The following DCAF1 variants were observed in gnomAD, a reference collection of about 807,000 sequenced individuals.
DCAF1 encodes the protein DDB1- and CUL4-associated factor 1.
DCAF1 carries 15 observed loss-of-function variants against 128.0 expected under a neutral mutation model. That is an observed-to-expected ratio of 0.12 (90% CI 0.08 to 0.18). The LOEUF is 0.18. DCAF1 is among the 10% of genes least tolerant of loss of function. The pLI, the probability that DCAF1 is intolerant of heterozygous loss-of-function variation, is 1.00. For synonymous variants in DCAF1, 610 were observed against 603.0 expected (o/e 1.01, Z -0.17); for missense variants, 988 against 1,649.5 (o/e 0.60, Z 6.95).
intron 23 of DCAF1, 30 bp downstream of exon 23, chr3:51,412,349 C>T (rs1223504926): frequency 6.2e-7 from 1 of 1,613,166 alleles, no homozygotes. Context: ...AAGCACTGTT[C>T]AGCAGAAAGA....
intron 14 of DCAF1, 60 bp from the exon 15 acceptor site, chr3:51,421,057 T>TC: frequency 6.6e-7 from 1 of 1,524,630 alleles, no homozygotes; most frequent in Admixed American, 2.1e-5. Context: ...CTTCAATAGT[T>TC]GTTCCAGAGT....
intron 23 of DCAF1, among the ~76,000 whole-genome samples, chr3:51,410,623 ATAT>A (rs1231013951): frequency 2.6e-5 from 4 of 152,262 alleles, no homozygotes; most frequent in African/African-American, 9.6e-5. Context: ...CCATTTTCAA[ATAT>A]TACCATTTTC....
At chr3:51,498,414 CCAGCCTAGGCTA>C (rs1448623939) in intron 1 of DCAF1, among the ~76,000 whole-genome samples, 1 of 151,226 alleles carries the variant, frequency 6.6e-6, no homozygotes, top group African/African-American at 2.4e-5. Flanking sequence ...CCACTGCACT[CCAGCCTAGGCTA>C]CAGGGCAAGA....
chr3:51,420,921 C>A lies in DCAF1; in HGVS notation c.2049G>T (p.Gln683His), dbSNP rs1699331638. ...HDAEIQKSAL[Q>H]IIINCVCGPD... ...GGCCACACACACAATTGATGATAAT[C>A]TGAAGTGCTGACTTCTGAATTTCAG... The change falls in exon 15 of 25, where the codon CAG becomes CAT. Residue 683 changes from glutamine (Q) to histidine (H), a missense_variant. Physicochemically the swap from Gln to His is conservative, Grantham distance 24 (BLOSUM62 0). Transcript: ENST00000684031. This position sits in a 1 kb window ranked among gnomAD's most constrained non-coding sequence, Gnocchi z 6.5. 1.2e-6 allele frequency: 2 copies of A among 1,613,870 alleles called. No individual in the cohort carries two copies. Among genetic ancestry groups the A allele is most frequent in the South Asian group, 2.2e-5 (2 of 91,090 alleles).
intron 2 of DCAF1, among the ~76,000 whole-genome samples, chr3:51,492,899 CAGG>C (rs1707818750): frequency 6.6e-6 from 1 of 151,932 alleles, no homozygotes; most frequent in Admixed American, 6.6e-5. Context: ...GAGACTGAGG[CAGG>C]AGAATGGCGT....
chr3:51,458,920 T>C (rs1703228625), intron 6 of DCAF1, among the ~76,000 whole-genome samples: 1 of 152,158 alleles, frequency 6.6e-6, no homozygotes, highest in African/African-American at 2.4e-5. Context: ...AAGCAGTGTG[T>C]AGAGGGAAAT....
At chr3:51,475,903 T>C (rs960126104) in intron 3 of DCAF1, among the ~76,000 whole-genome samples, 6 of 151,360 alleles carry the variant, frequency 4.0e-5, no homozygotes, top group Non-Finnish European at 8.8e-5. Context: ...ATTTTCAGGG[T>C]TCAAATCTGA....
Position 51,420,797 on chromosome 3 carries a change from T to A in DCAF1, c.2173A>T (p.Met725Leu), listed in dbSNP as rs1346666358. Residue 725 changes from methionine to leucine, a missense_variant, in exon 15 of 25, where the codon ATG becomes TTG. By Grantham distance (15) the Met-to-Leu change is conservative. This residue lies in a region of DCAF1 where 185 missense variants were observed against 248.1 expected (regional missense o/e 0.75). Transcript: ENST00000684031. The surrounding 1 kb of genome is among the most constrained non-coding windows in gnomAD (Gnocchi z 6.5). Reference protein sequence around the residue: ...PKSSEHTLAKMWNVVQSNNGI... With the variant: ...PKSSEHTLAKLWNVVQSNNGI... ...TTGTTGGACTGAACCACATTCCACA[T>A]CTTGGCCAGGGTGTGCTCACTGCTT... 10 of 1,613,900 alleles carry A rather than the reference T, an allele frequency of 6.2e-6. No individual in the cohort carries two copies. Among genetic ancestry groups the A allele is most frequent in the African/African-American group, 4.0e-5 (3 of 74,932 alleles).
chr3:51,398,960 C>T (rs1338085371), intron 24 of DCAF1, 133 bp from the exon 25 acceptor site: 2 of 1,102,978 alleles, frequency 1.8e-6, no homozygotes, highest in African/African-American at 3.1e-5. Context: ...GAAGAAAACA[C>T]ATCAATTAAC....
At chr3:51,481,312 C>G (rs1553652759) in intron 3 of DCAF1, among the ~76,000 whole-genome samples, 1 of 152,068 alleles carries the variant, frequency 6.6e-6, no homozygotes, top group East Asian at 1.9e-4. Context: ...AATCTTTCAG[C>G]AAGGGGGAGG....
chr3:51,472,354 G>A (rs1212493611), intron 3 of DCAF1, among the ~76,000 whole-genome samples: 2 of 152,104 alleles, frequency 1.3e-5, no homozygotes, highest in Non-Finnish European at 2.9e-5. Context: ...CTCACTACAA[G>A]TGAGTTCTGC....
Position 51,418,149 on chromosome 3 carries a change from G to A in DCAF1, c.3485C>T (p.Ala1162Val). 1 of 1,612,824 alleles carries A rather than the reference G, an allele frequency of 6.2e-7. No individual in the cohort carries two copies. Among genetic ancestry groups the A allele is most frequent in the Non-Finnish European group, 8.5e-7 (1 of 1,179,478 alleles). ...TSATWSQPLS[A>V]LWGMKSVFDM... ...AAATACTGACTTCATTCCCCAAAGTGCAGACAAAGGCTGGCTCCAAGTAGC... is the reference window on the plus strand; with the variant it reads ...AAATACTGACTTCATTCCCCAAAGTACAGACAAAGGCTGGCTCCAAGTAGC... The change falls in exon 17 of 25, where the codon GCA (alanine) becomes GTA (valine). Residue 1162 changes from alanine to valine, a missense_variant. This residue lies in a region of DCAF1 where 105 missense variants were observed against 266.7 expected (regional missense o/e 0.39). Coordinates refer to ENST00000684031, the MANE Select transcript of DCAF1 (RefSeq NM_001387579.1).
intron 17 of DCAF1, among the ~76,000 whole-genome samples, chr3:51,417,798 G>T (rs1699027412): frequency 6.6e-6 from 1 of 150,432 alleles, no homozygotes. Flanking sequence ...AAGGAGGGGA[G>T]GTGAGGGGGG....
chr3:51,422,271 A>C, intron 14 of DCAF1, 36 bp downstream of exon 14: 1 of 744,104 alleles, frequency 1.3e-6, no homozygotes, highest in Non-Finnish European at 2.5e-6. Context: ...ACAAATCCAG[A>C]CCAAGAAACA....
intron 3 of DCAF1, among the ~76,000 whole-genome samples, chr3:51,479,480 G>A (rs943614342): frequency 6.6e-6 from 1 of 151,500 alleles, no homozygotes; most frequent in Non-Finnish European, 1.5e-5. Flanking sequence ...TCCAGCCTCG[G>A]CAACAGAGGG....
chr3:51,441,102 T>G, intron 8 of DCAF1, 31 bp from the exon 9 acceptor site: 1 of 1,577,846 alleles, frequency 6.3e-7, no homozygotes, highest in Non-Finnish European at 8.6e-7. Flanking sequence ...AAGTCTTAAA[T>G]TTTGGCTTTA....
At chr3:51,415,664 A>T (rs1238397656) in intron 18 of DCAF1, among the ~76,000 whole-genome samples, 1 of 152,152 alleles carries the variant, frequency 6.6e-6, no homozygotes, top group African/African-American at 2.4e-5. Context: ...CATAGCTCAC[A>T]GCAGCCTCCA....
At chr3:51,491,507 T>C (rs1707642383) in intron 2 of DCAF1, among the ~76,000 whole-genome samples, 1 of 152,102 alleles carries the variant, frequency 6.6e-6, no homozygotes, top group Non-Finnish European at 1.5e-5. Flanking sequence ...CTATGATCAA[T>C]TTTCAACAAG....
chr3:51,446,986 A>ATAATAATAATAATAG (rs1553640388), intron 6 of DCAF1, among the ~76,000 whole-genome samples: 1 of 147,610 alleles, frequency 6.8e-6, no homozygotes, highest in African/African-American at 2.5e-5. Flanking sequence ...AATAATAATA[A>ATAATAATAATAATAG]TAATAATAAT....
Sources: allele counts gnomAD v4.1 joint callset (sites outside exome capture counted in the v4.1 genomes callset), GRCh38; gene constraint gnomAD v4.1.1; regional missense constraint gnomAD v4.1.1; non-coding constraint Gnocchi (gnomAD v3.1); transcripts MANE v1.5; gene names NCBI Gene and HGNC (gene_info 2026-07-23, HGNC 2026-07-21).